AGO1: variants seen among roughly 807,000 people sequenced by gnomAD.
The protein encoded by AGO1 is argonaute RISC component 1, also known as protein argonaute-1.
Under a neutral mutation model 109.2 loss-of-function variants are expected in AGO1, and 11 were observed. The observed-to-expected ratio is 0.10, with a 90% CI of 0.06 to 0.17. AGO1 has a LOEUF of 0.17. Among genes scored for constraint, AGO1 ranks in the 10% least tolerant of loss-of-function variants. The probability of loss-of-function intolerance (pLI) is 1.00; values close to 1 mark genes in which losing one functional copy is unlikely to be tolerated. For missense variants in AGO1, 574 were observed against 1,140.3 expected (o/e 0.50, Z 7.15); for synonymous variants, 422 against 418.6 (o/e 1.01, Z -0.10).
At chr1:35,892,436 CAT>C (rs1375457139) in intron 2 of AGO1, 119 bp from the exon 3 acceptor site, 11 of 1,295,446 alleles carry the variant, frequency 8.5e-6, no homozygotes, top group Non-Finnish European at 1.1e-5. Flanking sequence ...GAAGCACTGT[CAT>C]AGAGTAGATG....
chr1:35,896,963 G>C (rs1341652246), intron 8 of AGO1, among the ~76,000 whole-genome samples: 1 of 152,152 alleles, frequency 6.6e-6, no homozygotes, highest in Non-Finnish European at 1.5e-5. Flanking sequence ...CAGTTTCCAA[G>C]GGGTATAATT....
upstream of AGO1, among the ~76,000 whole-genome samples, chr1:35,879,734 CAAAAAAAAAAA>C (rs71034705): frequency 2.4e-3 from 140 of 57,498 alleles, 2 homozygotes; most frequent in South Asian, 0.05. Context: ...GGTTCTGTCT[CAAAAAAAAAAA>C]AAAAAAAAAA....
chr1:35,891,389 G>T (rs1326948705), intron 2 of AGO1, among the ~76,000 whole-genome samples: 1 of 152,138 alleles, frequency 6.6e-6, no homozygotes, highest in Admixed American at 6.5e-5. Context: ...GAGACTAAGT[G>T]CTTCAGAGAG....
chr1:35,889,831 G>C (rs1645185343), intron 2 of AGO1, among the ~76,000 whole-genome samples: 1 of 151,114 alleles, frequency 6.6e-6, no homozygotes, highest in African/African-American at 2.4e-5. Flanking sequence ...TCCTGCCTCA[G>C]CCTCCTGAGT....
At position 35,883,429 on chromosome 1, in the gene AGO1, C is replaced by G. The variant is rs775125489; in HGVS notation, c.8C>G (p.Ala3Gly). The G allele has an allele frequency of 3.2e-6, 5 of 1,572,130 alleles. No individual in the cohort carries two copies. Among genetic ancestry groups the G allele is most frequent in the Non-Finnish European group, 4.3e-6 (5 of 1,162,084 alleles). Reference sequence around the variant, plus strand: ...TCCGCACGGGTATATGGGATGGAAGCGGGACCCTCGGGAGCAGGTAAGGGT... The same window carrying G: ...TCCGCACGGGTATATGGGATGGAAGGGGGACCCTCGGGAGCAGGTAAGGGT... ME[A>G]GPSGAAAGAY... The change falls in exon 1 of 19, where the codon GCG becomes GGG. Residue 3 changes from alanine (A) to glycine (G), a missense_variant. Physicochemically the swap from Ala to Gly is moderately conservative, Grantham distance 60. Coordinates refer to ENST00000373204, the MANE Select transcript of AGO1 (RefSeq NM_012199.5). This position sits in a 1 kb window ranked among gnomAD's most constrained non-coding sequence, Gnocchi z 5.4.
upstream of AGO1, among the ~76,000 whole-genome samples, chr1:35,879,459 A>T (rs1012390003): frequency 1.3e-4 from 20 of 150,238 alleles, no homozygotes; most frequent in Admixed American, 9.3e-4. Flanking sequence ...AAAAAAAAAT[A>T]AAAAAAAGTA....
intron 11 of AGO1, among the ~76,000 whole-genome samples, chr1:35,903,277 A>G (rs572131697): frequency 1.0e-4 from 15 of 150,506 alleles, no homozygotes; most frequent in African/African-American, 3.4e-4. Context: ...AAGTGCTGGG[A>G]TTATAGGCAT....
chr1:35,884,047 C>G (rs1645077398), intron 1 of AGO1, among the ~76,000 whole-genome samples: 1 of 152,168 alleles, frequency 6.6e-6, no homozygotes. Flanking sequence ...GGCTGCCCGA[C>G]GTGGTGGGGG....
upstream of AGO1, among the ~76,000 whole-genome samples, chr1:35,881,396 C>T (rs1645035505): frequency 6.6e-6 from 1 of 152,164 alleles, no homozygotes; most frequent in Non-Finnish European, 1.5e-5. Context: ...TCTCAGCTCA[C>T]TGCAACCTCC....
At chr1:35,907,967 A>G (rs767549045) in intron 12 of AGO1, among the ~76,000 whole-genome samples, 1 of 152,176 alleles carries the variant, frequency 6.6e-6, no homozygotes, top group Non-Finnish European at 1.5e-5. Flanking sequence ...TCTACAAAAA[A>G]ATAAAGTTAC....
intron 1 of AGO1, among the ~76,000 whole-genome samples, chr1:35,876,274 T>G (rs1293399126): frequency 1.3e-5 from 2 of 151,612 alleles, no homozygotes; most frequent in Admixed American, 1.3e-4. Flanking sequence ...GTTTTTTGTT[T>G]TTTTTTTTTT....
rs147293577 is a variant in AGO1 at position 35,924,902 on chromosome 1, C to T, written c.*5295C>T. On this transcript the variant is annotated 3_prime_UTR_variant, in exon 19 of 19. Transcript: ENST00000373204. ...AACACAGGTTGGTGCTCAGGTAAGA[C>T]TGTAAAACTGCATTTATAGATACAG... The T allele has an allele frequency of 7.2e-5, 11 of 152,222 alleles. No individual in the cohort carries two copies. Among genetic ancestry groups the T allele is most frequent in the African/African-American group, 2.2e-4 (9 of 41,506 alleles). 9.4% of individuals were successfully genotyped at this position (152,222 alleles called of 1,614,324 possible). A position where few individuals can be genotyped will look rare whatever the true frequency, so the allele number is the denominator to read the frequency against.
chr1:35,907,180 G>A, intron 12 of AGO1, 61 bp downstream of exon 12: 1 of 1,450,554 alleles, frequency 6.9e-7, no homozygotes, highest in Non-Finnish European at 9.3e-7. Context: ...AGTTCCCTGG[G>A]GTCTCCTGGG....
upstream of AGO1, among the ~76,000 whole-genome samples, chr1:35,881,736 C>G (rs77043476): frequency 6.6e-6 from 1 of 152,266 alleles, no homozygotes; most frequent in East Asian, 1.9e-4. Flanking sequence ...GAGTAAGGAC[C>G]GGTTATGGTC....
At chr1:35,907,923 G>A (rs941765857) in intron 12 of AGO1, among the ~76,000 whole-genome samples, 1 of 152,054 alleles carries the variant, frequency 6.6e-6, no homozygotes, top group Non-Finnish European at 1.5e-5. Flanking sequence ...CCAGAAATTC[G>A]AGGCTAGTCT....
In AGO1 at chr1:35,893,150, C is replaced by G; in HGVS notation, c.384C>G (p.Val128=). Residue 128 remains valine, a synonymous_variant, in exon 4 of 19, where the codon GTC becomes GTG. Transcript: ENST00000373204. The surrounding 1 kb of genome is among the most constrained non-coding windows in gnomAD (Gnocchi z 5.6). ...PGEGKDRIFK[V]SIKWLAIVSW... ...AAGGGAAGGATCGAATCTTTAAGGTCTCCATCAAGTGGCTAGCCATTGTGA... is the reference window on the plus strand; with the variant it reads ...AAGGGAAGGATCGAATCTTTAAGGTGTCCATCAAGTGGCTAGCCATTGTGA... 6.2e-7 allele frequency: 1 copy of G among 1,614,152 alleles called. No homozygotes were observed. The highest frequency in any genetic ancestry group is 1.1e-5 in the South Asian group (1 of 91,074).
intron 1 of AGO1, among the ~76,000 whole-genome samples, chr1:35,886,793 GTTCA>G (rs1306335122): frequency 6.6e-6 from 1 of 152,134 alleles, no homozygotes. Flanking sequence ...GGATATGTTT[GTTCA>G]TTCATTTCAT....
chr1:35,882,766 G>C, upstream of AGO1: 1 of 979,776 alleles, frequency 1.0e-6, no homozygotes, highest in Non-Finnish European at 1.2e-6. The surrounding 1 kb of genome is among the most constrained non-coding windows in gnomAD (Gnocchi z 5.1). Flanking sequence ...GACGGAGAAA[G>C]ACTTCGTGGA....
chr1:35,880,916 T>A (rs370525956), upstream of AGO1, among the ~76,000 whole-genome samples: 11 of 152,194 alleles, frequency 7.2e-5, no homozygotes, highest in African/African-American at 2.7e-4. Context: ...TGCCTTGGTC[T>A]CCCAAAGTGC....
Sources: gnomAD v4.1 joint callset for allele counts (sites outside exome capture counted in the v4.1 genomes callset) on GRCh38, gnomAD v4.1.1 for gene constraint, Gnocchi (gnomAD v3.1) non-coding constraint, MANE v1.5 for transcripts, NCBI Gene and HGNC (gene_info 2026-07-23, HGNC 2026-07-21) for gene names.